The following NCF2 variants were observed in gnomAD, a reference collection of about 807,000 sequenced individuals.
NCF2 encodes the protein neutrophil cytosolic factor 2.
NCF2 carries 45 observed loss-of-function variants against 70.9 expected under a neutral mutation model. That is an observed-to-expected ratio of 0.63 (90% CI 0.50 to 0.81). NCF2 has a LOEUF of 0.81. Ranked by LOEUF, NCF2 falls within the 40% of genes least tolerant of loss-of-function variation. NCF2 has a pLI of 0.00. For synonymous variants in NCF2, 203 were observed against 233.6 expected (o/e 0.87, Z 1.19); for missense variants, 522 against 631.6 (o/e 0.83, Z 1.86).
chr1:183,593,982 T>C (rs1459799480), upstream of NCF2, among the ~76,000 whole-genome samples: 3 of 152,208 alleles, frequency 2.0e-5, no homozygotes, highest in Non-Finnish European at 4.4e-5. Flanking sequence ...TTGTGAGATG[T>C]GTCTGGAATA....
chr1:183,556,905 C>T (rs765635816), intron 14 of NCF2, among the ~76,000 whole-genome samples: 1 of 152,108 alleles, frequency 6.6e-6, no homozygotes, highest in Non-Finnish European at 1.5e-5. Context: ...AAGGGACATG[C>T]CATTGGTTAA....
chr1:183,565,844 G>A, intron 9 of NCF2, 65 bp from the exon 10 acceptor site: 1 of 1,490,734 alleles, frequency 6.7e-7, no homozygotes, highest in Non-Finnish European at 9.4e-7. Context: ...GGTGGATGTG[G>A]GGAAACACCC....
chr1:183,584,749 G>A (rs143617544), intron 2 of NCF2, among the ~76,000 whole-genome samples: 20 of 152,314 alleles, frequency 1.3e-4, no homozygotes, highest in African/African-American at 4.3e-4. Context: ...GTAAGGGGGA[G>A]TGAGAAAGAG....
intron 5 of NCF2, among the ~76,000 whole-genome samples, chr1:183,572,325 C>T (rs1328738683): frequency 6.6e-6 from 1 of 152,204 alleles, no homozygotes; most frequent in Non-Finnish European, 1.5e-5. Flanking sequence ...GCTGGGATTA[C>T]AGGCATGCAC....
At chr1:183,595,843 C>T (rs921665009), upstream of NCF2, among the ~76,000 whole-genome samples, 13 of 152,102 alleles carry the variant, frequency 8.5e-5, no homozygotes, top group Non-Finnish European at 1.9e-4. Context: ...TTGCCATGTT[C>T]TATTGATTAA....
chr1:183,556,066 C>T lies in NCF2; in HGVS notation c.*52G>A. On this transcript the variant is annotated 3_prime_UTR_variant, in exon 15 of 15. Coordinates refer to ENST00000367535, the MANE Select transcript of NCF2 (RefSeq NM_000433.4). ...TACAGCAGAAGGGTGCTAAATCTTACAAACAAGTAATAGGGCTTCATTTTC... is the reference window on the plus strand; with the variant it reads ...TACAGCAGAAGGGTGCTAAATCTTATAAACAAGTAATAGGGCTTCATTTTC... The T allele has an allele frequency of 1.4e-6, 2 of 1,480,800 alleles. No homozygotes were observed. The highest frequency in any genetic ancestry group is 9.4e-7 in the Non-Finnish European group (1 of 1,058,762). 91.7% of individuals were successfully genotyped at this position (1,480,800 alleles called of 1,614,324 possible). A position where few individuals can be genotyped will look rare whatever the true frequency, so the allele number is the denominator to read the frequency against.
At chr1:183,584,462 C>G (rs1169736940) in intron 2 of NCF2, among the ~76,000 whole-genome samples, 1 of 152,184 alleles carries the variant, frequency 6.6e-6, no homozygotes, top group Non-Finnish European at 1.5e-5. Context: ...ATTAATATTA[C>G]CAATCACAGA....
At chr1:183,567,458 C>T in intron 7 of NCF2, 113 bp from the exon 8 acceptor site, 1 of 1,433,374 alleles carries the variant, frequency 7.0e-7, no homozygotes, top group East Asian at 2.3e-5. Flanking sequence ...AACTCCACAT[C>T]TAACTGCAAC....
Position 183,571,067 on chromosome 1 carries a change from A to C in NCF2, c.610-228T>G, listed in dbSNP as rs181107462. ...CAGGCTTGCTTTCTTCTCTCTTAAA[A>C]AAGAAATGTTTTTAATTGAGGTGCA... On this transcript the variant is annotated intron_variant, in intron 5 of 14. Transcript: ENST00000367535. 1.8e-4 allele frequency among the ~76,000 whole-genome samples: 25 copies of C among 135,718 alleles called. 1 individual carries two copies. The East Asian group carries it at 4.3e-3, about 23-fold the overall frequency. 89.0% of individuals were successfully genotyped at this position (135,718 alleles called of 152,430 possible).
In NCF2 at chr1:183,577,712, A is replaced by G; in HGVS notation, c.258-5T>C. The stretch of plus-strand genomic sequence containing the variant: ...TCTTTGATAGCCAAATCATATCTGC[A>G]GGACAGAGGGAGAAAATACAGCAGT... On this transcript the variant is annotated splice_region_variant and splice_polypyrimidine_tract_variant and intron_variant, in intron 2 of 14. Coordinates refer to ENST00000367535, the MANE Select transcript of NCF2 (RefSeq NM_000433.4). 2 of 1,592,822 alleles carry G rather than the reference A, an allele frequency of 1.3e-6. No homozygotes were observed. The highest frequency in any genetic ancestry group is 1.7e-6 in the Non-Finnish European group (2 of 1,160,686).
Position 183,563,539 on chromosome 1 carries a change from T to C in NCF2, c.1073A>G (p.Tyr358Cys), listed in dbSNP as rs755434573. 1.2e-6 allele frequency: 2 copies of C among 1,613,892 alleles called. No individual in the cohort carries two copies. The highest frequency in any genetic ancestry group is 1.3e-5 in the African/African-American group (1 of 74,916). ...VPMPYTLKVH[Y>C]KYTVVMKTQP... is the part of the protein sequence containing the mutation. ...AGTCTTCATGACTACCGTGTACTTGTAGTGCACCTTGAGTGTGTAGGGCAT... is the reference window on the plus strand; with the variant it reads ...AGTCTTCATGACTACCGTGTACTTGCAGTGCACCTTGAGTGTGTAGGGCAT... Residue 358 changes from tyrosine to cysteine, a missense_variant, in exon 12 of 15, where the codon TAC becomes TGC. Transcript: ENST00000367535.
chr1:183,567,337 T>C lies in NCF2; in HGVS notation c.722A>G (p.Glu241Gly), dbSNP rs988863738. 2 of 1,613,972 alleles carry C rather than the reference T, an allele frequency of 1.2e-6. No homozygotes were observed. The highest frequency in any genetic ancestry group is 1.7e-6 in the Non-Finnish European group (2 of 1,180,002). The change falls in exon 8 of 15, where the codon GAA (glutamate) becomes GGA (glycine). Residue 241 changes from glutamate to glycine, a missense_variant. Coordinates refer to ENST00000367535, the MANE Select transcript of NCF2 (RefSeq NM_000433.4). ...AAATAGCACACGGTGAGCCTCCCCT[T>C]CCAGAGCCCTGCAGAGGATAGACAC... is the stretch of plus-strand genomic sequence containing the variant. ...PKTPEIFRAL[E>G]GEAHRVLFGF...
chr1:183,560,912 G>A (rs891998421), intron 13 of NCF2, among the ~76,000 whole-genome samples: 1 of 152,160 alleles, frequency 6.6e-6, no homozygotes. Context: ...GGCTTTCTTA[G>A]CATCAACTCT....
At chr1:183,599,429 T>TCTTTCTTTCTTTCTTTCTTTCTTTC in the NCF2 span, among the ~76,000 whole-genome samples, 28 of 85,906 alleles carry the variant, frequency 3.3e-4, no homozygotes, top group African/African-American at 7.6e-4. Flanking sequence ...TTTCCTTCTT[T>TCTTTCTTTCTTTCTTTCTTTCTTTC]CTTTCTTTCT....
chr1:183,580,160 GA>G (rs1402430366), intron 2 of NCF2, among the ~76,000 whole-genome samples: 1 of 152,166 alleles, frequency 6.6e-6, no homozygotes, highest in African/African-American at 2.4e-5. Context: ...GGCTATGCGG[GA>G]AATAAAAGAA....
chr1:183,574,482 C>G lies in NCF2; in HGVS notation c.501+5G>C. The stretch of plus-strand genomic sequence containing the variant: ...TCTCAACACCTGCATCACCAATACG[C>G]TTACCCAGACACACTCCATCGCCTT... On this transcript the variant is annotated splice_donor_5th_base_variant and intron_variant, in intron 4 of 14. Coordinates refer to ENST00000367535, the MANE Select transcript of NCF2 (RefSeq NM_000433.4). 1 of 1,614,198 alleles carries G rather than the reference C, an allele frequency of 6.2e-7. No homozygotes were observed. Among genetic ancestry groups the G allele is most frequent in the South Asian group, 1.1e-5 (1 of 91,074 alleles).
At chr1:183,562,155 A>G (rs1187502099) in intron 13 of NCF2, among the ~76,000 whole-genome samples, 1 of 152,168 alleles carries the variant, frequency 6.6e-6, no homozygotes, top group Non-Finnish European at 1.5e-5. Context: ...TTAAATTGCA[A>G]AAGATTGTGG....
intron 5 of NCF2, among the ~76,000 whole-genome samples, chr1:183,571,960 T>C (rs993310733): frequency 6.6e-6 from 1 of 152,174 alleles, no homozygotes; most frequent in African/African-American, 2.4e-5. Flanking sequence ...TAGTATTCTG[T>C]TGCATGGATA....
chr1:183,597,378 A>T, the NCF2 span, among the ~76,000 whole-genome samples: 1 of 152,348 alleles, frequency 6.6e-6, no homozygotes, highest in East Asian at 1.9e-4. Context: ...ATGTTGAAGG[A>T]GTAGAAACTG....
Sources: gnomAD v4.1 joint callset for allele counts (sites outside exome capture counted in the v4.1 genomes callset) on GRCh38, gnomAD v4.1.1 for gene constraint, MANE v1.5 for transcripts, NCBI Gene and HGNC (gene_info 2026-07-23, HGNC 2026-07-21) for gene names.